Variants in AUTS2 observed in about 807,000 individuals in gnomAD.
The protein encoded by AUTS2 is autism susceptibility gene 2 protein.
In AUTS2, 17 loss-of-function variants were observed where a neutral mutation model predicts 112.4. The observed-to-expected ratio is 0.15, with a 90% CI of 0.10 to 0.23. The LOEUF (loss-of-function observed/expected upper bound fraction) is 0.23, where lower values mean the gene tolerates loss of function less well. Among genes scored for constraint, AUTS2 ranks in the 10% least tolerant of loss-of-function variants. The pLI is 1.00. For missense variants in AUTS2, 1,510 were observed against 1,701.6 expected (o/e 0.89, Z 1.98); for synonymous variants, 751 against 702.7 (o/e 1.07, Z -1.09).
intron 1 of AUTS2, among the ~76,000 whole-genome samples, chr7:69,607,434 T>G (rs1792790340): frequency 6.6e-6 from 1 of 152,224 alleles, no homozygotes; most frequent in African/African-American, 2.4e-5. Context: ...TAGGACATTG[T>G]GTATGAAACG....
intron 2 of AUTS2, among the ~76,000 whole-genome samples, chr7:69,914,560 A>G (rs1486737046): frequency 6.6e-6 from 1 of 151,842 alleles, no homozygotes; most frequent in African/African-American, 2.4e-5. Context: ...CATGGAATCT[A>G]TCAGCAGTTT....
chr7:70,213,182 A>G (rs1810997693), intron 4 of AUTS2, among the ~76,000 whole-genome samples: 1 of 152,240 alleles, frequency 6.6e-6, no homozygotes, highest in East Asian at 1.9e-4. Context: ...TTAAAAAAAG[A>G]AATAGATATC....
At chr7:69,967,103 G>C (rs1584504068) in intron 2 of AUTS2, among the ~76,000 whole-genome samples, 2 of 152,260 alleles carry the variant, frequency 1.3e-5, no homozygotes, top group East Asian at 3.9e-4. Context: ...TTTTTAGTGT[G>C]ATAATTTTCT....
chr7:69,890,794 C>T (rs1055378662), intron 1 of AUTS2, among the ~76,000 whole-genome samples: 8 of 152,090 alleles, frequency 5.3e-5, no homozygotes, highest in Non-Finnish European at 1.0e-4. Context: ...ACTGAGTTGT[C>T]TCCAGTGGAA....
At chr7:69,875,654 T>C (rs1486865628) in intron 1 of AUTS2, among the ~76,000 whole-genome samples, 1 of 152,178 alleles carries the variant, frequency 6.6e-6, no homozygotes, top group African/African-American at 2.4e-5. Flanking sequence ...TTGGCGACTA[T>C]AGATTTATTT....
intron 1 of AUTS2, among the ~76,000 whole-genome samples, chr7:69,695,573 T>TTAAAAC (rs1252776333): frequency 6.6e-6 from 1 of 152,162 alleles, no homozygotes; most frequent in Non-Finnish European, 1.5e-5. Context: ...AATACTCACT[T>TTAAAAC]TAAAAACAAA....
chr7:70,239,680 C>T (rs533930735), intron 4 of AUTS2, among the ~76,000 whole-genome samples: 67 of 152,226 alleles, frequency 4.4e-4, no homozygotes, highest in African/African-American at 1.6e-3. Context: ...GGTGATCTGC[C>T]CACCTGGGAC....
intron 5 of AUTS2, chr7:70,437,896 G>A (rs1795963181): frequency 6.6e-6 from 1 of 151,490 alleles, no homozygotes; most frequent in South Asian, 2.1e-4. Flanking sequence ...GTCTTCAGCA[G>A]TGGTAGAAGG....
chr7:70,649,553 G>C (rs151221627), intron 5 of AUTS2, among the ~76,000 whole-genome samples: 72 of 145,358 alleles, frequency 5.0e-4, no homozygotes, highest in African/African-American at 1.6e-3. Context: ...TTTTGAGACG[G>C]AGTCTCGCAC....
intron 1 of AUTS2, among the ~76,000 whole-genome samples, chr7:69,865,023 C>T (rs1793155820): frequency 1.3e-5 from 2 of 151,790 alleles, no homozygotes; most frequent in African/African-American, 4.8e-5. Flanking sequence ...ATATATCTGC[C>T]TTCAGCTGTT....
chr7:70,528,151 A>T (rs978196674), intron 5 of AUTS2, among the ~76,000 whole-genome samples: 23 of 128,986 alleles, frequency 1.8e-4, no homozygotes, highest in African/African-American at 6.5e-4. Context: ...TTCTATAGGG[A>T]TAAGGTAATA....
intron 4 of AUTS2, among the ~76,000 whole-genome samples, chr7:70,244,719 C>CA (rs1690349109): frequency 6.6e-6 from 1 of 152,108 alleles, no homozygotes; most frequent in Admixed American, 6.6e-5. Flanking sequence ...TAATTATGAC[C>CA]ATTTGGATCA....
intron 2 of AUTS2, among the ~76,000 whole-genome samples, chr7:69,984,936 T>C (rs1185645843): frequency 6.6e-6 from 1 of 152,192 alleles, no homozygotes; most frequent in African/African-American, 2.4e-5. Context: ...TTTAGAATAA[T>C]GGTTAGTTAG....
At chr7:69,978,894 A>ACACG (rs1554418147) in intron 2 of AUTS2, among the ~76,000 whole-genome samples, 56 of 137,196 alleles carry the variant, frequency 4.1e-4, no homozygotes, top group Admixed American at 2.4e-3. Context: ...ACACACACAC[A>ACACG]CACACACGCA....
At chr7:70,532,734 A>G (rs1401114664) in intron 5 of AUTS2, among the ~76,000 whole-genome samples, 1 of 152,176 alleles carries the variant, frequency 6.6e-6, no homozygotes, top group Non-Finnish European at 1.5e-5. Context: ...CAGCAAATAC[A>G]GTGCCTCGTC....
intron 1 of AUTS2, among the ~76,000 whole-genome samples, chr7:69,748,440 CT>C (rs1386376680): frequency 6.6e-6 from 1 of 152,154 alleles, no homozygotes; most frequent in Non-Finnish European, 1.5e-5. Flanking sequence ...GTGGCAGTCT[CT>C]TTATCTTAAG....
At chr7:70,628,184 G>A (rs1211489937) in intron 5 of AUTS2, among the ~76,000 whole-genome samples, 2 of 152,052 alleles carry the variant, frequency 1.3e-5, no homozygotes, top group Non-Finnish European at 2.9e-5. Context: ...GGTAAGCAGA[G>A]GCCAGATCAA....
chr7:70,732,503 T>C (rs1787480161), intron 6 of AUTS2, among the ~76,000 whole-genome samples: 2 of 152,128 alleles, frequency 1.3e-5, no homozygotes, highest in Admixed American at 6.6e-5. Context: ...TTCCTAGCAG[T>C]GCTATTTGTC....
intron 4 of AUTS2, among the ~76,000 whole-genome samples, chr7:70,299,910 G>A (rs567338976): frequency 2.6e-5 from 4 of 151,654 alleles, no homozygotes; most frequent in African/African-American, 9.7e-5. Flanking sequence ...CTACATTGGA[G>A]ACCATAACAT....
Sources: allele counts gnomAD v4.1 joint callset (sites outside exome capture counted in the v4.1 genomes callset), GRCh38; gene constraint gnomAD v4.1.1; transcripts MANE v1.5; gene names NCBI Gene and HGNC (gene_info 2026-07-23, HGNC 2026-07-21).